ABCA13: variants seen among roughly 807,000 people sequenced by gnomAD.
The protein encoded by ABCA13 is ATP binding cassette subfamily A member 13, also known as ATP-binding cassette sub-family A member 13.
Under a neutral mutation model 478.7 loss-of-function variants are expected in ABCA13, and 476 were observed. The ratio of observed to expected loss-of-function variants is 0.99; its 90% CI spans 0.92 to 1.07. The LOEUF (loss-of-function observed/expected upper bound fraction) is 1.07. Among genes scored for constraint, ABCA13 ranks in the 50% least tolerant of loss-of-function variants. ABCA13 has a pLI of 0.00. For missense variants in ABCA13, 6,060 were observed against 5,910.6 expected (o/e 1.03, Z -0.83); for synonymous variants, 2,252 against 2,158.9 (o/e 1.04, Z -1.20).
chr7:48,516,183 T>C (rs557841043), intron 51 of ABCA13, among the ~76,000 whole-genome samples: 1 of 152,360 alleles, frequency 6.6e-6, no homozygotes, highest in Admixed American at 6.5e-5. Context: ...ATCTGCATTT[T>C]TGCTTTCAGA....
intron 59 of ABCA13, among the ~76,000 whole-genome samples, chr7:48,641,054 G>A (rs1795068328): frequency 6.6e-6 from 1 of 152,052 alleles, no homozygotes; most frequent in African/African-American, 2.4e-5. Flanking sequence ...TAGTTCAAAC[G>A]AAATTTTAAT....
intron 39 of ABCA13, chr7:48,404,547 C>T (rs1585176774): frequency 1.3e-5 from 2 of 152,378 alleles, no homozygotes; most frequent in African/African-American, 4.8e-5. Context: ...AATACAGATT[C>T]TCATAAAATG....
chr7:48,245,914 G>A lies in ABCA13; in HGVS notation c.1543G>A (p.Val515Ile), dbSNP rs776286523. The stretch of plus-strand genomic sequence containing the variant: ...GAATGGTCGTTTCTCTGAGAAGGAG[G>A]TCTTTTTGCCGCCTGGAAACTCCAG... ...CPNGRFSEKE[V>I]FLPPGNSSIW... Residue 515 changes from valine to isoleucine, a missense_variant, in exon 13 of 62, where the codon GTC (valine) becomes ATC (isoleucine). Around this residue, in one of 3 missense-constraint regions of ABCA13, gnomAD observed 4,423 missense variants for 4,309.1 expected, o/e 1.03. Coordinates refer to ENST00000435803, the MANE Select transcript of ABCA13 (RefSeq NM_152701.5). 6.2e-7 allele frequency: 1 copy of A among 1,613,750 alleles called. No individual in the cohort carries two copies. The highest frequency in any genetic ancestry group is 1.1e-5 in the South Asian group (1 of 91,058).
intron 20 of ABCA13, among the ~76,000 whole-genome samples, chr7:48,292,182 T>A (rs1798630081): frequency 6.6e-6 from 1 of 152,186 alleles, no homozygotes; most frequent in Admixed American, 6.5e-5. Flanking sequence ...CCCTCAACTT[T>A]ACTCATCTGA....
At chr7:48,526,398 G>A (rs1356918180) in intron 54 of ABCA13, among the ~76,000 whole-genome samples, 2 of 152,164 alleles carry the variant, frequency 1.3e-5, no homozygotes, top group East Asian at 3.9e-4. Context: ...GCCATTTAAA[G>A]TTAGATTTTA....
intron 37 of ABCA13, 105 bp from the exon 38 acceptor site, chr7:48,391,816 A>G (rs909946250): frequency 9.5e-7 from 1 of 1,054,018 alleles, no homozygotes; most frequent in African/African-American, 1.6e-5. Context: ...GCAGAAGGTG[A>G]GTGCTCTTGG....
intron 45 of ABCA13, among the ~76,000 whole-genome samples, 197 bp from the exon 46 acceptor site, chr7:48,480,839 C>G (rs961862446): frequency 6.6e-6 from 1 of 152,134 alleles, no homozygotes. Flanking sequence ...CTGCATAAGT[C>G]ACAGTGGTAT....
At chr7:48,495,561 G>T (rs529392734) in intron 48 of ABCA13, among the ~76,000 whole-genome samples, 2 of 152,118 alleles carry the variant, frequency 1.3e-5, no homozygotes, top group African/African-American at 4.8e-5. Context: ...GGTTGATTGT[G>T]TGGTTTTGTT....
At chr7:48,236,540 C>T (rs888993028) in intron 8 of ABCA13, among the ~76,000 whole-genome samples, 2 of 152,162 alleles carry the variant, frequency 1.3e-5, no homozygotes, top group Non-Finnish European at 2.9e-5. Flanking sequence ...AGTGGCCATC[C>T]ACATTCCTTG....
chr7:48,323,944 G>C (rs1803912801), intron 27 of ABCA13, among the ~76,000 whole-genome samples: 1 of 152,194 alleles, frequency 6.6e-6, no homozygotes, highest in Admixed American at 6.5e-5. Flanking sequence ...TGCCATGTAA[G>C]ACATGACTTT....
At chr7:48,600,702 T>C (rs1439740112) in intron 58 of ABCA13, among the ~76,000 whole-genome samples, 2 of 152,168 alleles carry the variant, frequency 1.3e-5, no homozygotes, top group Non-Finnish European at 2.9e-5. Context: ...ATTATTACCA[T>C]ATATATTGCA....
chr7:48,392,538 C>T (rs1214794905), intron 38 of ABCA13, among the ~76,000 whole-genome samples: 1 of 152,116 alleles, frequency 6.6e-6, no homozygotes, highest in Non-Finnish European at 1.5e-5. Context: ...CCTAGCTCTT[C>T]CTCAACTCCT....
chr7:48,188,837 A>G (rs146239423), intron 1 of ABCA13, among the ~76,000 whole-genome samples: 1 of 152,314 alleles, frequency 6.6e-6, no homozygotes, highest in Non-Finnish European at 1.5e-5. Context: ...CTCAGCCCAC[A>G]AGGTGAGAGG....
intron 3 of ABCA13, among the ~76,000 whole-genome samples, chr7:48,207,969 T>A (rs1277407450): frequency 6.6e-6 from 1 of 152,126 alleles, no homozygotes; most frequent in Non-Finnish European, 1.5e-5. Context: ...AATTTTGATT[T>A]TTTTTTAATA....
At chr7:48,431,337 G>A (rs1011709908) in intron 42 of ABCA13, among the ~76,000 whole-genome samples, 2 of 121,788 alleles carry the variant, frequency 1.6e-5, no homozygotes, top group African/African-American at 6.6e-5. Context: ...GGGAGATTCT[G>A]TCTCAAACAA....
intron 29 of ABCA13, among the ~76,000 whole-genome samples, chr7:48,343,761 T>C (rs1403374308): frequency 6.6e-6 from 1 of 152,010 alleles, no homozygotes; most frequent in Non-Finnish European, 1.5e-5. Context: ...TTTATATAGA[T>C]TTTTTAAAGG....
intron 15 of ABCA13, among the ~76,000 whole-genome samples, chr7:48,256,225 A>G (rs1793364753): frequency 6.6e-6 from 1 of 151,674 alleles, no homozygotes; most frequent in East Asian, 1.9e-4. Flanking sequence ...GTTTGCAAAT[A>G]TTTTCTCCTG....
chr7:48,352,007 G>C (rs546153970), intron 30 of ABCA13, among the ~76,000 whole-genome samples, 174 bp from the exon 31 acceptor site: 1 of 152,196 alleles, frequency 6.6e-6, no homozygotes, highest in Non-Finnish European at 1.5e-5. Context: ...ACCACCAATT[G>C]CCTGTGTGAC....
Position 48,368,329 on chromosome 7 carries a change from G to GT in ABCA13, c.10803+427dup, listed in dbSNP as rs552522082. Among the ~76,000 whole-genome samples the GT allele has an allele frequency of 2.6e-5, 4 of 151,890 alleles. No homozygotes were observed. The East Asian group carries it at 5.8e-4, about 22-fold the overall frequency. ...AACTTAAATTTTTTTATTTCCATAGGTTTTTTGGGGAACAGGTGGTGTTTG... is the reference window on the plus strand; with the variant it reads ...AACTTAAATTTTTTTATTTCCATAGGTTTTTTTGGGGAACAGGTGGTGTTTG... On this transcript the variant is annotated intron_variant, in intron 32 of 61. Transcript: ENST00000435803.
Sources: gnomAD v4.1 joint callset for allele counts (sites outside exome capture counted in the v4.1 genomes callset) on GRCh38, gnomAD v4.1.1 for gene constraint, gnomAD v4.1.1 regional missense constraint, MANE v1.5 for transcripts, NCBI Gene and HGNC (gene_info 2026-07-23, HGNC 2026-07-21) for gene names.